WASHC2C: variants seen among roughly 807,000 people sequenced by gnomAD.
WASHC2C encodes the protein Vaccinia Penetration Factor.
In WASHC2C, 73 loss-of-function variants were observed where a neutral mutation model predicts 142.2. The observed-to-expected ratio is 0.51, with a 90% CI of 0.43 to 0.62. WASHC2C has a LOEUF of 0.62. Among genes scored for constraint, WASHC2C ranks in the 20% least tolerant of loss-of-function variants. WASHC2C has a pLI of 0.00. For missense variants in WASHC2C, 969 were observed against 1,531.7 expected (o/e 0.63, Z 6.13); for synonymous variants, 337 against 565.5 (o/e 0.60, Z 5.73).
At chr10:45,786,095 G>C (rs1156876196) in intron 26 of WASHC2C, 1 of 292,372 alleles carries the variant, frequency 3.4e-6, no homozygotes, top group Non-Finnish European at 6.5e-6. Context: ...GAACAGCCCA[G>C]GACTGGAGAG....
At chr10:45,787,732 C>T in intron 28 of WASHC2C, among the ~76,000 whole-genome samples, 1 of 152,092 alleles carries the variant, frequency 6.6e-6, no homozygotes, top group Non-Finnish European at 1.5e-5. Context: ...TCCCTGAACA[C>T]ACATGGTCTG....
intron 3 of WASHC2C, among the ~76,000 whole-genome samples, chr10:45,730,279 G>A (rs1281899770): frequency 7.3e-6 from 1 of 137,322 alleles, no homozygotes; most frequent in Admixed American, 7.4e-5. Context: ...CCTGGGAGGC[G>A]GAGGTTGCGG....
At chr10:45,761,996 C>A (rs180829822) in intron 17 of WASHC2C, among the ~76,000 whole-genome samples, 1 of 149,002 alleles carries the variant, frequency 6.7e-6, no homozygotes, top group African/African-American at 2.5e-5. Context: ...GAGTAGACAG[C>A]GACCCCATAA....
chr10:45,773,488 T>A (rs2056788786), intron 21 of WASHC2C, 130 bp downstream of exon 21: 1 of 891,956 alleles, frequency 1.1e-6, no homozygotes, highest in African/African-American at 1.7e-5. Flanking sequence ...ATTTGCCTGG[T>A]TTCAGAAAGA....
At chr10:45,741,661 T>C (rs1165429174) in intron 5 of WASHC2C, among the ~76,000 whole-genome samples, 1 of 152,176 alleles carries the variant, frequency 6.6e-6, no homozygotes, top group Non-Finnish European at 1.5e-5. Flanking sequence ...GTCAGAATTA[T>C]TCTCCCCTGC....
At chr10:45,749,006 G>T (rs1273777668) in intron 8 of WASHC2C, among the ~76,000 whole-genome samples, 1 of 152,132 alleles carries the variant, frequency 6.6e-6, no homozygotes, top group Admixed American at 6.5e-5. Context: ...TTGTTATTCT[G>T]CGCTTTTTTG....
chr10:45,775,824 A>G (rs1227116770), intron 21 of WASHC2C, among the ~76,000 whole-genome samples: 2 of 151,798 alleles, frequency 1.3e-5, no homozygotes, highest in African/African-American at 2.4e-5. Context: ...GACTACAGGC[A>G]CCCACCACCA....
chr10:45,786,836 T>C (rs1476775281), intron 27 of WASHC2C, 162 bp downstream of exon 27: 76 of 1,537,376 alleles, frequency 4.9e-5, no homozygotes, highest in Non-Finnish European at 6.3e-5. Context: ...GTCTTTAACA[T>C]CTATTCTTTG....
chr10:45,733,592 A>G (rs1176499326), intron 3 of WASHC2C, among the ~76,000 whole-genome samples: 1 of 152,268 alleles, frequency 6.6e-6, no homozygotes, highest in Non-Finnish European at 1.5e-5. Flanking sequence ...GATATGAAGT[A>G]CTTGAGGATG....
At chr10:45,759,483 TA>T in intron 17 of WASHC2C, 82 bp downstream of exon 17, 1 of 1,299,256 alleles carries the variant, frequency 7.7e-7, no homozygotes, top group Non-Finnish European at 1.1e-6. Flanking sequence ...TTTTTCTCAA[TA>T]GAGTTATAAG....
intron 3 of WASHC2C, among the ~76,000 whole-genome samples, chr10:45,735,217 A>T (rs182306624): frequency 0.032 from 4,808 of 151,018 alleles, 212 homozygotes; most frequent in African/African-American, 0.11. Context: ...GAATTTGAGG[A>T]TTATCTTTTA....
chr10:45,766,693 G>A (rs1444750520), intron 19 of WASHC2C, among the ~76,000 whole-genome samples: 1 of 146,474 alleles, frequency 6.8e-6, no homozygotes, highest in African/African-American at 2.6e-5. Context: ...TTCTGTTTGT[G>A]ATCTGGATAG....
At position 45,750,791 on chromosome 10, in the gene WASHC2C, C is replaced by T; in HGVS notation, c.884C>T (p.Ala295Val). 2 of 1,548,856 alleles carry T rather than the reference C, an allele frequency of 1.3e-6. No individual in the cohort carries two copies. Among genetic ancestry groups the T allele is most frequent in the Non-Finnish European group, 1.7e-6 (2 of 1,147,136 alleles). The change falls in exon 10 of 31, where the codon GCC (alanine) becomes GTC (valine). Residue 295 changes from alanine (A) to valine (V), a missense_variant. Physicochemically the swap from Ala to Val is moderately conservative, Grantham distance 64 (BLOSUM62 0). Transcript: ENST00000623400. ...RPTSFADELA[A>V]RIKGDAMGRV... ...ACATCGTTTGCAGATGAGCTGGCTG[C>T]CCGCATCAAGGGGGATGCCATGGGT...
intron 8 of WASHC2C, among the ~76,000 whole-genome samples, chr10:45,749,139 A>G (rs1232188458): frequency 1.3e-5 from 2 of 152,030 alleles, no homozygotes; most frequent in South Asian, 2.1e-4. Context: ...AAGGCTGGGC[A>G]TGGTGGCTCA....
chr10:45,766,883 G>A (rs1404844811), intron 19 of WASHC2C, among the ~76,000 whole-genome samples: 1 of 152,090 alleles, frequency 6.6e-6, no homozygotes, highest in Admixed American at 6.6e-5. Context: ...TTAGTAGGGG[G>A]TGAAGTGGAT....
intron 8 of WASHC2C, among the ~76,000 whole-genome samples, chr10:45,748,306 T>C (rs1203193667): frequency 7.1e-6 from 1 of 140,330 alleles, no homozygotes; most frequent in Admixed American, 7.1e-5. Flanking sequence ...TTTTTTTTTT[T>C]TGAGACAGAG....
intron 16 of WASHC2C, among the ~76,000 whole-genome samples, chr10:45,759,073 T>G (rs2054714425): frequency 7.1e-6 from 1 of 140,842 alleles, no homozygotes; most frequent in Non-Finnish European, 1.5e-5. Context: ...TCATTGCATA[T>G]GTCCCATCTG....
At chr10:45,731,340 C>T (rs2050553946) in intron 3 of WASHC2C, among the ~76,000 whole-genome samples, 1 of 130,102 alleles carries the variant, frequency 7.7e-6, no homozygotes, top group African/African-American at 3.0e-5. Flanking sequence ...CCTGCCCACA[C>T]CTCCCATGTA....
At chr10:45,764,460 T>G (rs1440319613) in intron 18 of WASHC2C, among the ~76,000 whole-genome samples, 2 of 151,472 alleles carry the variant, frequency 1.3e-5, no homozygotes, top group African/African-American at 2.4e-5. Flanking sequence ...TGGATCAACA[T>G]ATACCCAATG....
Sources: gnomAD v4.1 joint callset for allele counts (sites outside exome capture counted in the v4.1 genomes callset) on GRCh38, gnomAD v4.1.1 for gene constraint, MANE v1.5 for transcripts, NCBI Gene and HGNC (gene_info 2026-07-23, HGNC 2026-07-21) for gene names.